KIAA1217: variants seen among roughly 807,000 people sequenced by gnomAD.
KIAA1217 encodes sickle tail protein homolog.
KIAA1217 carries 88 observed loss-of-function variants against 163.9 expected under a neutral mutation model. That is an observed-to-expected ratio of 0.54 (90% confidence interval 0.45 to 0.64). The LOEUF (loss-of-function observed/expected upper bound fraction) is 0.64, where lower values mean the gene tolerates loss of function less well. Among genes scored for constraint, KIAA1217 ranks in the 30% least tolerant of loss-of-function variants. KIAA1217 has a pLI of 0.00. For synonymous variants in KIAA1217, 903 were observed against 923.1 expected (o/e 0.98, Z 0.39); for missense variants, 2,372 against 2,475.0 (o/e 0.96, Z 0.88).
chr10:24,245,744 G>T (rs1590189342), intron 2 of KIAA1217, among the ~76,000 whole-genome samples: 1 of 151,586 alleles, frequency 6.6e-6, no homozygotes, highest in Admixed American at 6.6e-5. Flanking sequence ...CAATCCTCCT[G>T]CCTCTGTCTC....
chr10:24,265,484 T>C (rs1430998124), intron 2 of KIAA1217, among the ~76,000 whole-genome samples: 2 of 152,210 alleles, frequency 1.3e-5, no homozygotes, highest in Non-Finnish European at 2.9e-5. Flanking sequence ...TTTCTTAGCT[T>C]TGTCTCTATC....
At chr10:23,863,460 T>G (rs2131140748) in intron 1 of KIAA1217, among the ~76,000 whole-genome samples, 1 of 152,276 alleles carries the variant, frequency 6.6e-6, no homozygotes, top group African/African-American at 2.4e-5. Flanking sequence ...CTTCACAACA[T>G]TTAGGCTGGC....
chr10:24,099,810 A>G (rs894728184), intron 2 of KIAA1217, among the ~76,000 whole-genome samples: 5 of 141,776 alleles, frequency 3.5e-5, no homozygotes, highest in African/African-American at 7.9e-5. Flanking sequence ...TCATTGTTCA[A>G]TTCCCACCTA....
intron 1 of KIAA1217, among the ~76,000 whole-genome samples, chr10:23,810,976 T>C (rs1403615460): frequency 8.4e-6 from 1 of 119,330 alleles, no homozygotes; most frequent in African/African-American, 3.5e-5. Context: ...ATATATTATA[T>C]ACTATAGTAT....
At chr10:24,108,103 A>G (rs969666265) in intron 2 of KIAA1217, among the ~76,000 whole-genome samples, 1 of 152,190 alleles carries the variant, frequency 6.6e-6, no homozygotes, top group African/African-American at 2.4e-5. Context: ...AGAAGCCTGC[A>G]CTTGTTAGAT....
At chr10:23,797,520 A>G (rs896082706) in intron 1 of KIAA1217, among the ~76,000 whole-genome samples, 1 of 152,172 alleles carries the variant, frequency 6.6e-6, no homozygotes, top group African/African-American at 2.4e-5. Flanking sequence ...TATGAAGCAA[A>G]GAAGTTTAAT....
At chr10:23,886,421 A>G (rs1841177846) in intron 1 of KIAA1217, among the ~76,000 whole-genome samples, 3 of 151,968 alleles carry the variant, frequency 2.0e-5, no homozygotes, top group African/African-American at 7.2e-5. Context: ...GAAAGACAAA[A>G]GTTCTGTGTT....
At chr10:24,545,273 C>A (rs2075606932) in intron 20 of KIAA1217, 170 bp downstream of exon 20, 25 of 1,418,346 alleles carry the variant, frequency 1.8e-5, no homozygotes, top group Non-Finnish European at 2.2e-5. Flanking sequence ...CACTTTTTTA[C>A]CACGCTTTTG....
chr10:24,294,846 A>G (rs1461936624), intron 2 of KIAA1217, among the ~76,000 whole-genome samples: 1 of 152,186 alleles, frequency 6.6e-6, no homozygotes, highest in Non-Finnish European at 1.5e-5. Context: ...CACTGTCCAC[A>G]TTGCCAGGGT....
intron 1 of KIAA1217, among the ~76,000 whole-genome samples, chr10:23,964,512 A>G (rs1175358013): frequency 6.6e-6 from 1 of 151,956 alleles, no homozygotes; most frequent in Non-Finnish European, 1.5e-5. Flanking sequence ...TATGTCCTGA[A>G]TGGTATTGCC....
chr10:23,979,752 C>T (rs2078004217), intron 1 of KIAA1217, among the ~76,000 whole-genome samples: 3 of 152,086 alleles, frequency 2.0e-5, no homozygotes, highest in Admixed American at 2.0e-4. Flanking sequence ...TGCAAGATTA[C>T]TCTCTCCCCT....
intron 1 of KIAA1217, among the ~76,000 whole-genome samples, chr10:23,853,025 C>T (rs1839438320): frequency 1.3e-5 from 2 of 152,186 alleles, no homozygotes; most frequent in South Asian, 4.1e-4. Context: ...TGCCTAATTG[C>T]CCCGGCCAGA....
At position 24,199,281 on chromosome 10, in the gene KIAA1217, T is replaced by C. The variant is rs10828619; in HGVS notation, c.-170-20345T>C. Among the ~76,000 whole-genome samples the C allele has an allele frequency of 2.4e-3, 370 of 152,340 alleles. 4 individuals carry two copies. In the East Asian group the frequency reaches 0.057, roughly 24 times the overall value. On this transcript the variant is annotated intron_variant, in intron 2 of 18. Transcript: ENST00000376462. ...AAAACATTTTACATTTTAATAGTTA[T>C]ATATTTACTATACAGGATGTAAGAA... is the stretch of plus-strand genomic sequence containing the variant.
At chr10:24,173,265 C>T (rs1373273857) in intron 2 of KIAA1217, among the ~76,000 whole-genome samples, 3 of 152,232 alleles carry the variant, frequency 2.0e-5, no homozygotes, top group Non-Finnish European at 4.4e-5. Context: ...CCTATCACCC[C>T]CAAATGGGAC....
chr10:23,703,380 C>A (rs1052514008), intron 1 of KIAA1217, among the ~76,000 whole-genome samples: 17 of 152,160 alleles, frequency 1.1e-4, no homozygotes, highest in African/African-American at 4.1e-4. Flanking sequence ...CCATGGCGTC[C>A]CATCTGCAAA....
intron 2 of KIAA1217, among the ~76,000 whole-genome samples, chr10:24,259,259 C>A (rs2075485432): frequency 6.6e-6 from 1 of 152,032 alleles, no homozygotes; most frequent in Admixed American, 6.6e-5. Context: ...GTAGTCTTGC[C>A]TAACTGAAAC....
At position 24,219,912 on chromosome 10, in the gene KIAA1217, A is replaced by G. The variant is rs2069341255; in HGVS notation, c.354+3A>G. On this transcript the variant is annotated splice_donor_region_variant and intron_variant, in intron 2 of 20. Coordinates refer to ENST00000376454, the MANE Select transcript of KIAA1217 (RefSeq NM_019590.5). ...ACCAAGAGAGGCTGAGAGACCAGGT[A>G]CGAATATGCTCTCATTTCTCCTTGT... is the stretch of plus-strand genomic sequence containing the variant. 1 of 1,586,844 alleles carries G rather than the reference A, an allele frequency of 6.3e-7. No homozygotes were observed. Among genetic ancestry groups the G allele is most frequent in the Non-Finnish European group, 8.6e-7 (1 of 1,167,480 alleles).
intron 2 of KIAA1217, among the ~76,000 whole-genome samples, chr10:24,337,972 T>G (rs1183052527): frequency 6.6e-6 from 1 of 152,172 alleles, no homozygotes; most frequent in Non-Finnish European, 1.5e-5. Context: ...GCCTTTCTCC[T>G]AGTCATTTTG....
intron 3 of KIAA1217, among the ~76,000 whole-genome samples, chr10:24,388,966 A>T (rs564441273): frequency 0.012 from 1,765 of 151,732 alleles, 50 homozygotes; most frequent in African/African-American, 0.041. Context: ...GGGACTGTAA[A>T]CTAGTTCAAC....
Sources: allele counts gnomAD v4.1 joint callset (sites outside exome capture counted in the v4.1 genomes callset), GRCh38; gene constraint gnomAD v4.1.1; transcripts MANE v1.5; gene names NCBI Gene and HGNC (gene_info 2026-07-23, HGNC 2026-07-21).